SAMD12: variants seen among roughly 807,000 people sequenced by gnomAD.
The protein encoded by SAMD12 is sterile alpha motif domain-containing protein 12.
SAMD12 carries 9 observed loss-of-function variants against 15.0 expected under a neutral mutation model. The observed-to-expected ratio is 0.60, with a 90% CI of 0.36 to 1.05. The LOEUF (loss-of-function observed/expected upper bound fraction) is 1.05, where lower values mean the gene tolerates loss of function less well. SAMD12 is among the 50% of genes least tolerant of loss of function. SAMD12 has a pLI of 0.01. For synonymous variants in SAMD12, 86 were observed against 90.1 expected, an observed-to-expected ratio of 0.96 and a Z score of 0.25; for missense variants, 230 against 234.2, an observed-to-expected ratio of 0.98 and a Z score of 0.12.
the SAMD12 span, among the ~76,000 whole-genome samples, chr8:118,160,195 T>C: frequency 3.9e-5 from 6 of 152,232 alleles, no homozygotes; most frequent in Non-Finnish European, 7.3e-5. Context: ...ATATAATACC[T>C]GTACACTGAA....
intron 3 of SAMD12, among the ~76,000 whole-genome samples, chr8:118,408,307 C>A (rs1821234244): frequency 6.6e-6 from 1 of 152,174 alleles, no homozygotes; most frequent in African/African-American, 2.4e-5. Context: ...GTTGCCAGTA[C>A]AAGTTAAGTC....
At chr8:118,556,828 G>A (rs558884715) in intron 2 of SAMD12, among the ~76,000 whole-genome samples, 35 of 152,230 alleles carry the variant, frequency 2.3e-4, no homozygotes, top group South Asian at 8.3e-4. Flanking sequence ...GCTGGGTGTG[G>A]TGGCAGCTGC....
intron 3 of SAMD12, among the ~76,000 whole-genome samples, chr8:118,401,238 CAT>C (rs1211695187): frequency 6.6e-6 from 1 of 152,170 alleles, no homozygotes. Flanking sequence ...CTCCCTTATT[CAT>C]AGAGTACTTT....
chr8:118,160,642 A>G, the SAMD12 span, among the ~76,000 whole-genome samples: 1 of 152,222 alleles, frequency 6.6e-6, no homozygotes, highest in African/African-American at 2.4e-5. Flanking sequence ...TACAAATAAG[A>G]AGAAATTTTG....
At chr8:118,402,852 T>C (rs774276406) in intron 3 of SAMD12, among the ~76,000 whole-genome samples, 13 of 152,226 alleles carry the variant, frequency 8.5e-5, no homozygotes, top group Admixed American at 2.6e-4. Flanking sequence ...AAATCCTTGG[T>C]AAGCCATCAT....
At chr8:118,505,697 T>C (rs76440864) in intron 2 of SAMD12, among the ~76,000 whole-genome samples, 3,587 of 151,710 alleles carry the variant, frequency 0.024, 116 homozygotes, top group African/African-American at 0.077. Flanking sequence ...GCTTCATATC[T>C]CGTAAGACGT....
intron 4 of SAMD12, among the ~76,000 whole-genome samples, chr8:118,225,320 C>T (rs953023236): frequency 6.6e-6 from 1 of 151,990 alleles, no homozygotes; most frequent in Non-Finnish European, 1.5e-5. Flanking sequence ...AGCTTACAAA[C>T]CCAACGAGAG....
At chr8:118,578,687 C>T (rs1358418439) in intron 2 of SAMD12, among the ~76,000 whole-genome samples, 1 of 152,184 alleles carries the variant, frequency 6.6e-6, no homozygotes, top group Non-Finnish European at 1.5e-5. Context: ...AGTCATGCTG[C>T]TGGCATCCAC....
chr8:118,547,749 G>A (rs1826173736), intron 2 of SAMD12, among the ~76,000 whole-genome samples: 2 of 152,100 alleles, frequency 1.3e-5, no homozygotes, highest in Non-Finnish European at 2.9e-5. Context: ...TATAAAATAT[G>A]TATTTTTCTA....
At chr8:118,577,778 C>A (rs1827189075) in intron 2 of SAMD12, among the ~76,000 whole-genome samples, 2 of 152,094 alleles carry the variant, frequency 1.3e-5, no homozygotes, top group South Asian at 4.2e-4. Context: ...GCCAAAAGAC[C>A]CCACGATAAC....
At chr8:118,315,173 C>A (rs1010886971) in intron 4 of SAMD12, among the ~76,000 whole-genome samples, 14 of 152,198 alleles carry the variant, frequency 9.2e-5, no homozygotes, top group African/African-American at 3.1e-4. Context: ...CATGGAACCA[C>A]TGCCATTTGC....
chr8:118,222,953 G>A (rs1812114136), intron 4 of SAMD12, among the ~76,000 whole-genome samples: 1 of 152,178 alleles, frequency 6.6e-6, no homozygotes, highest in Admixed American at 6.5e-5. Context: ...CATCTGACTT[G>A]TCAAAACTAC....
intron 2 of SAMD12, among the ~76,000 whole-genome samples, chr8:118,453,301 A>T (rs944540885): frequency 6.6e-5 from 10 of 152,122 alleles, no homozygotes; most frequent in Non-Finnish European, 1.3e-4. Context: ...GATTACATAT[A>T]CTATTCCAAT....
At chr8:118,167,320 A>G in the SAMD12 span, among the ~76,000 whole-genome samples, 1 of 151,740 alleles carries the variant, frequency 6.6e-6, no homozygotes, top group South Asian at 2.1e-4. Context: ...CCTGGTGTGC[A>G]CTCCAGGAGG....
intron 3 of SAMD12, among the ~76,000 whole-genome samples, chr8:118,425,360 G>A (rs1279270506): frequency 1.3e-5 from 2 of 152,150 alleles, no homozygotes; most frequent in South Asian, 2.1e-4. Flanking sequence ...AACTGACAGA[G>A]TAATTAACAA....
chr8:118,182,691 G>A, the SAMD12 span, among the ~76,000 whole-genome samples: 2 of 152,144 alleles, frequency 1.3e-5, no homozygotes, highest in Non-Finnish European at 2.9e-5. Flanking sequence ...TATTTACTTG[G>A]TTTCCTACTA....
chr8:118,591,832 G>GA (rs984159205), intron 1 of SAMD12, among the ~76,000 whole-genome samples: 46 of 151,586 alleles, frequency 3.0e-4, no homozygotes, highest in African/African-American at 1.0e-3. Flanking sequence ...CCAAGCTAAT[G>GA]AAAAAAAAGG....
chr8:118,584,090 C>G (rs1586836277), intron 1 of SAMD12, among the ~76,000 whole-genome samples: 1 of 152,314 alleles, frequency 6.6e-6, no homozygotes, highest in East Asian at 1.9e-4. Flanking sequence ...TGTAAGGTAT[C>G]TATAAACAGG....
At chr8:118,510,175 C>CA (rs1417405487) in intron 2 of SAMD12, among the ~76,000 whole-genome samples, 1 of 151,912 alleles carries the variant, frequency 6.6e-6, no homozygotes, top group Non-Finnish European at 1.5e-5. Context: ...ATTTACATTA[C>CA]AAAAAAATCT....
Sources: allele counts gnomAD v4.1 joint callset (sites outside exome capture counted in the v4.1 genomes callset), GRCh38; gene constraint gnomAD v4.1.1; transcripts MANE v1.5; gene names NCBI Gene and HGNC (gene_info 2026-07-23, HGNC 2026-07-21).